The following UCMA variants were observed in gnomAD, a reference collection of about 807,000 sequenced individuals.
UCMA encodes the protein upper zone of growth plate and cartilage matrix associated.
In UCMA, 21 loss-of-function variants were observed where a neutral mutation model predicts 21.8. The observed-to-expected ratio is 0.97, with a 90% CI of 0.68 to 1.39. The LOEUF is 1.39. Ranked by LOEUF, UCMA falls within the 40% of genes most tolerant of loss-of-function variation. The pLI is 0.00. For missense variants in UCMA, 193 were observed against 178.9 expected, an observed-to-expected ratio of 1.08 and a Z score of -0.45; for synonymous variants, 76 against 67.9, an observed-to-expected ratio of 1.12 and a Z score of -0.58.
intron 4 of UCMA, among the ~76,000 whole-genome samples, chr10:13,227,110 C>T (rs147706201): frequency 2.0e-4 from 30 of 152,116 alleles, no homozygotes; most frequent in African/African-American, 7.2e-4. Context: ...CCAGTATGTT[C>T]CTAAGAAAGT....
At chr10:13,228,061 TTTTC>T (rs1287944608) in intron 4 of UCMA, among the ~76,000 whole-genome samples, 6 of 151,490 alleles carry the variant, frequency 4.0e-5, no homozygotes, top group African/African-American at 1.5e-4. Flanking sequence ...AGGCCTTTTC[TTTTC>T]TTTTTTTTTT....
chr10:13,232,129 T>C (rs1036640311), intron 3 of UCMA, among the ~76,000 whole-genome samples: 1 of 144,624 alleles, frequency 6.9e-6, no homozygotes, highest in Non-Finnish European at 1.5e-5. Flanking sequence ...ATCTCAGCAC[T>C]CTAAGAGGCC....
intron 4 of UCMA, among the ~76,000 whole-genome samples, chr10:13,227,652 G>C (rs543274368): frequency 1.3e-5 from 2 of 149,160 alleles, no homozygotes; most frequent in East Asian, 4.0e-4. Flanking sequence ...CGGAGCGGGA[G>C]GTTGCGGTGA....
chr10:13,234,124 G>T, intron 1 of UCMA, 77 bp downstream of exon 1: 2 of 1,408,150 alleles, frequency 1.4e-6, no homozygotes, highest in South Asian at 1.4e-5. Context: ...TGCATCACCT[G>T]AGCAGCCTTA....
At chr10:13,225,696 G>C (rs942343437) in intron 4 of UCMA, among the ~76,000 whole-genome samples, 1 of 140,024 alleles carries the variant, frequency 7.1e-6, no homozygotes, top group Non-Finnish European at 1.5e-5. Flanking sequence ...AAAAAGAATA[G>C]GTGACTTGGT....
intron 1 of UCMA, 95 bp from the exon 2 acceptor site, chr10:13,233,895 G>C (rs2131609094): frequency 1.3e-6 from 2 of 1,498,414 alleles, no homozygotes; most frequent in East Asian, 2.3e-5. Context: ...TAAGCGTCCT[G>C]CCAGGGCCTG....
chr10:13,227,743 T>TACACACAC (rs55831241), intron 4 of UCMA, among the ~76,000 whole-genome samples: 7,082 of 110,528 alleles, frequency 0.064, 331 homozygotes, highest in East Asian at 0.17. Context: ...GGAAAGGAAA[T>TACACACAC]ACACACACAC....
chr10:13,225,673 C>CA (rs397728212), intron 4 of UCMA, among the ~76,000 whole-genome samples: 77,600 of 106,838 alleles, frequency 0.73, 27,815 homozygotes, highest in South Asian at 0.76. Flanking sequence ...GATTCCATCT[C>CA]AAAAAAAAAA....
rs1455565395 is a variant in UCMA, at chr10:13,222,064, G to A, written c.*39C>T. 2 of 1,605,950 alleles carry A rather than the reference G, an allele frequency of 1.2e-6. No homozygotes were observed. The highest frequency in any genetic ancestry group is 1.7e-6 in the Non-Finnish European group (2 of 1,172,692). On this transcript the variant is annotated 3_prime_UTR_variant, in exon 5 of 5. Coordinates refer to ENST00000378681, the MANE Select transcript of UCMA (RefSeq NM_145314.3). ...GCTGGAACACGGGGATGCCAATGGTGCTACAAGCTTTGTCTTCTTGGCCGG... is the reference window on the plus strand; with the variant it reads ...GCTGGAACACGGGGATGCCAATGGTACTACAAGCTTTGTCTTCTTGGCCGG...
At chr10:13,224,019 A>T (rs1173100793) in intron 4 of UCMA, among the ~76,000 whole-genome samples, 2 of 152,184 alleles carry the variant, frequency 1.3e-5, no homozygotes, top group Admixed American at 6.6e-5. Context: ...ATGCTGCTGA[A>T]TCGTATGCTT....
At chr10:13,232,216 T>C (rs1335188858) in intron 3 of UCMA, among the ~76,000 whole-genome samples, 1 of 151,598 alleles carries the variant, frequency 6.6e-6, no homozygotes, top group Non-Finnish European at 1.5e-5. Flanking sequence ...TCTACAAAAA[T>C]ACAAAAATTA....
intron 4 of UCMA, among the ~76,000 whole-genome samples, chr10:13,227,743 T>TACACACACAC (rs55831241): frequency 0.048 from 5,296 of 110,584 alleles, 177 homozygotes; most frequent in South Asian, 0.064. Context: ...GGAAAGGAAA[T>TACACACACAC]ACACACACAC....
At position 13,233,607 on chromosome 10, in the gene UCMA, C is replaced by G. The variant is rs750537836; in HGVS notation, c.151G>C (p.Glu51Gln). Residue 51 changes from glutamate (E) to glutamine (Q), a missense_variant, in exon 3 of 5, where the codon GAA becomes CAA. Coordinates refer to ENST00000378681, the MANE Select transcript of UCMA (RefSeq NM_145314.3). ...TTGAGGAAATTCGAGGCATCTGATT[C>G]CTGCATGAAAATCTTCTGTTTTGCA... ...EDAKQKIFMQ[E>Q]SDASNFLKRR... 5.6e-6 allele frequency: 9 copies of G among 1,614,086 alleles called. No individual in the cohort carries two copies. Among genetic ancestry groups the G allele is most frequent in the Non-Finnish European group, 7.6e-6 (9 of 1,180,034 alleles).
chr10:13,231,201 G>A (rs1260864964), intron 3 of UCMA, among the ~76,000 whole-genome samples: 1 of 152,128 alleles, frequency 6.6e-6, no homozygotes, highest in Non-Finnish European at 1.5e-5. Context: ...ACTGGGCTTA[G>A]TGCAGATTCC....
intron 4 of UCMA, among the ~76,000 whole-genome samples, chr10:13,229,336 C>G (rs1490598563): frequency 4.3e-4 from 65 of 151,816 alleles, no homozygotes. Context: ...GCCGACATGG[C>G]AAAGCCCTGT....
chr10:13,223,983 T>A (rs1422352083), intron 4 of UCMA, among the ~76,000 whole-genome samples: 2 of 152,276 alleles, frequency 1.3e-5, no homozygotes, highest in South Asian at 2.1e-4. Context: ...GAAATAGCAG[T>A]GACTGTTGCA....
At chr10:13,223,185 C>T (rs1289204211) in intron 4 of UCMA, among the ~76,000 whole-genome samples, 1 of 147,880 alleles carries the variant, frequency 6.8e-6, no homozygotes, top group Non-Finnish European at 1.5e-5. Flanking sequence ...GAGATCACGC[C>T]ACTGCACTCC....
At chr10:13,225,640 A>C (rs1016991315) in intron 4 of UCMA, among the ~76,000 whole-genome samples, 11 of 143,078 alleles carry the variant, frequency 7.7e-5, no homozygotes, top group Non-Finnish European at 1.3e-4. Context: ...GCGCCACTGC[A>C]CTCCAGCCTG....
At chr10:13,225,581 AG>A (rs1440491233) in intron 4 of UCMA, among the ~76,000 whole-genome samples, 1 of 150,280 alleles carries the variant, frequency 6.7e-6, no homozygotes. Context: ...AAGCTGAGGC[AG>A]GAGAATCACT....
Sources: gnomAD v4.1 joint callset for allele counts (sites outside exome capture counted in the v4.1 genomes callset) on GRCh38, gnomAD v4.1.1 for gene constraint, MANE v1.5 for transcripts, NCBI Gene and HGNC (gene_info 2026-07-23, HGNC 2026-07-21) for gene names.